RNF40: variants seen among roughly 807,000 people sequenced by gnomAD.
RNF40 encodes the protein E3 ubiquitin-protein ligase BRE1B.
In RNF40, 39 loss-of-function variants were observed where a neutral mutation model predicts 123.3. The ratio of observed to expected loss-of-function variants is 0.32; its 90% confidence interval spans 0.24 to 0.41. The LOEUF (loss-of-function observed/expected upper bound fraction) is 0.41, where lower values mean the gene tolerates loss of function less well. Among genes scored for constraint, RNF40 ranks in the 10% least tolerant of loss-of-function variants. The pLI is 1.00. For missense variants in RNF40, 1,003 were observed against 1,319.9 expected (o/e 0.76, Z 3.72); for synonymous variants, 538 against 526.0 (o/e 1.02, Z -0.31).
intron 2 of RNF40, 146 bp downstream of exon 2, chr16:30,762,823 T>C: frequency 9.3e-7 from 1 of 1,078,576 alleles, no homozygotes; most frequent in Non-Finnish European, 1.3e-6. Flanking sequence ...AGAAAGAAGC[T>C]CAGAACACGA....
Position 30,771,881 on chromosome 16 carries a change from C to T in RNF40, c.2635C>T (p.His879Tyr). The part of the protein sequence containing the change: ...LAEDLKVQLE[H>Y]VQTRLREIQP... ...CGAGGACCTGAAGGTGCAGCTGGAG[C>T]ACGTGCAGACTCGGCTGCGGGAGAT... Residue 879 changes from histidine to tyrosine, a missense_variant, in exon 18 of 20, where the codon CAC (histidine) becomes TAC (tyrosine). Transcript: ENST00000324685. The T allele has an allele frequency of 1.9e-6, 3 of 1,608,714 alleles. No individual in the cohort carries two copies. Among genetic ancestry groups the T allele is most frequent in the Non-Finnish European group, 2.5e-6 (3 of 1,176,800 alleles).
In RNF40 at chr16:30,771,790, C is replaced by G. The variant is rs763301656; in HGVS notation, c.2587-43C>G. On this transcript the variant is annotated intron_variant, in intron 17 of 19. Coordinates refer to ENST00000324685, the MANE Select transcript of RNF40 (RefSeq NM_014771.4). The stretch of plus-strand genomic sequence containing the variant: ...GCCGTGACTCCACATGCCTGAGTCA[C>G]CAGGCTCAGACCAGTGCCTCCTTCC... 6.6e-6 allele frequency: 10 copies of G among 1,515,932 alleles called. No individual in the cohort carries two copies. In the East Asian group the frequency reaches 2.3e-4, roughly 35 times the overall value. 93.9% of individuals were successfully genotyped at this position (1,515,932 alleles called of 1,614,324 possible).
In RNF40 at chr16:30,768,612, T is replaced by C; in HGVS notation, c.1980-7T>C. 6.2e-7 allele frequency: 1 copy of C among 1,614,078 alleles called. No homozygotes were observed. The highest frequency in any genetic ancestry group is 8.5e-7 in the Non-Finnish European group (1 of 1,179,954). On this transcript the variant is annotated splice_region_variant and splice_polypyrimidine_tract_variant and intron_variant, in intron 13 of 19. Transcript: ENST00000324685. This position sits in a 1 kb window ranked among gnomAD's most constrained non-coding sequence, Gnocchi z 4.1. ...CACTAAGACTTCCTCCTGTACCTTC[T>C]TGCCAGGAAGGCCCAGGAGAGCCAG...
intron 8 of RNF40, 85 bp downstream of exon 8, chr16:30,765,584 TC>T: frequency 1.6e-6 from 2 of 1,257,164 alleles, no homozygotes; most frequent in Non-Finnish European, 2.3e-6. Context: ...AGGACAAACA[TC>T]CATCTCTGAG....
rs1160498911 is a variant in RNF40 at position 30,774,346 on chromosome 16, C to T, written c.*232C>T. The T allele has an allele frequency of 3.9e-6, 2 of 506,414 alleles. No individual in the cohort carries two copies. The highest frequency in any genetic ancestry group is 3.1e-5 in the East Asian group (1 of 31,888). 31.4% of individuals were successfully genotyped at this position (506,414 alleles called of 1,614,324 possible). A position where few individuals can be genotyped will look rare whatever the true frequency, so the allele number is the denominator to read the frequency against. ...CTGCAGCCTAGGGGGCACTGCCCTA[C>T]AGAAAAGGTCTGCCTGAGAGGCCTG... On this transcript the variant is annotated 3_prime_UTR_variant, in exon 20 of 20. Transcript: ENST00000324685.
At chr16:30,764,498 G>A (rs2053991837) in intron 5 of RNF40, 113 bp downstream of exon 5, 8 of 891,510 alleles carry the variant, frequency 9.0e-6, no homozygotes, top group Middle Eastern at 3.5e-4. Flanking sequence ...ATTTCCCAAG[G>A]AATAAATCAG....
intron 8 of RNF40, among the ~76,000 whole-genome samples, chr16:30,765,920 C>T (rs1418304039): frequency 6.6e-6 from 1 of 152,160 alleles, no homozygotes; most frequent in Non-Finnish European, 1.5e-5. Context: ...GCACTTTAGG[C>T]CTTTCTGGAA....
At chr16:30,767,259 T>G (rs1233668000) in intron 11 of RNF40, among the ~76,000 whole-genome samples, 1 of 152,186 alleles carries the variant, frequency 6.6e-6, no homozygotes, top group African/African-American at 2.4e-5. Context: ...AACATTCTGA[T>G]AGAAGACAGA....
chr16:30,766,625 C>T lies in RNF40; in HGVS notation c.1293+67C>T. On this transcript the variant is annotated intron_variant, in intron 10 of 19. Coordinates refer to ENST00000324685, the MANE Select transcript of RNF40 (RefSeq NM_014771.4). This position sits in a 1 kb window ranked among gnomAD's most constrained non-coding sequence, Gnocchi z 5.4. ...AACCGTTAGTGTTGACGTGTTTGTG[C>T]CTTCCGAGGCCCTGTGTGCCAGCCA... 6.3e-7 allele frequency: 1 copy of T among 1,579,452 alleles called. No homozygotes were observed. Among genetic ancestry groups the T allele is most frequent in the Non-Finnish European group, 8.6e-7 (1 of 1,160,546 alleles).
intron 4 of RNF40, among the ~76,000 whole-genome samples, chr16:30,763,943 A>G (rs549870434): frequency 2.0e-5 from 3 of 152,318 alleles, no homozygotes; most frequent in East Asian, 1.9e-4. Flanking sequence ...TTCTAATTAT[A>G]TTGGTAAAGT....
chr16:30,767,390 A>C (rs1166793053), intron 11 of RNF40, among the ~76,000 whole-genome samples: 1 of 152,216 alleles, frequency 6.6e-6, no homozygotes, highest in Non-Finnish European at 1.5e-5. Context: ...AATTTTGAAT[A>C]GGAGGCCAGG....
At chr16:30,773,309 G>C (rs1157762397) in intron 19 of RNF40, among the ~76,000 whole-genome samples, 1 of 152,202 alleles carries the variant, frequency 6.6e-6, no homozygotes, top group Admixed American at 6.5e-5. Context: ...GGTGTGTAGG[G>C]TCCTGGGAGA....
At position 30,768,942 on chromosome 16, in the gene RNF40, G is replaced by A. The variant is rs865996786; in HGVS notation, c.2202G>A (p.Glu734=). 2.5e-6 allele frequency: 4 copies of A among 1,614,158 alleles called. No individual in the cohort carries two copies. The highest frequency in any genetic ancestry group is 3.4e-6 in the Non-Finnish European group (4 of 1,180,040). The change falls in exon 15 of 20, where the codon GAG becomes GAA. Residue 734 remains glutamate, a synonymous_variant. Coordinates refer to ENST00000324685, the MANE Select transcript of RNF40 (RefSeq NM_014771.4). The surrounding 1 kb of genome is among the most constrained non-coding windows in gnomAD (Gnocchi z 4.1). ...CCCTGCGGCGCATTCGGCAGGCAGA[G>A]GAGCAGATAGAACACCTGCAGCGCA... ...EDALRRIRQA[E]EQIEHLQRKL... is the part of the protein sequence containing the mutation.
At position 30,766,887 on chromosome 16, in the gene RNF40, A is replaced by G. The variant is rs766121753; in HGVS notation, c.1429+11A>G. 10 of 1,611,954 alleles carry G rather than the reference A, an allele frequency of 6.2e-6. No individual in the cohort carries two copies. In the Admixed American group the frequency reaches 1.7e-4, roughly 27 times the overall value. The stretch of plus-strand genomic sequence containing the variant: ...CCAACGAGCAGGCGGGTATGTGGTG[A>G]GGATAGGGCGGAGGTGGGGCCTTAT... On this transcript the variant is annotated intron_variant, in intron 11 of 19. Coordinates refer to ENST00000324685, the MANE Select transcript of RNF40 (RefSeq NM_014771.4). The surrounding 1 kb of genome is among the most constrained non-coding windows in gnomAD (Gnocchi z 5.4).
intron 2 of RNF40, 157 bp downstream of exon 2, chr16:30,762,834 C>A (rs566696918): frequency 1.0e-6 from 1 of 962,782 alleles, no homozygotes; most frequent in East Asian, 2.5e-5. Flanking sequence ...CAGAACACGA[C>A]GCCTGTCTTC....
intron 19 of RNF40, chr16:30,773,554 T>G (rs960233803): frequency 3.5e-5 from 6 of 173,738 alleles, no homozygotes; most frequent in Non-Finnish European, 4.9e-5. Context: ...TCTAGTTGCA[T>G]TGCCATTCCA....
rs957713581 is a variant in RNF40, at chr16:30,774,954, C to A, written c.*840C>A. 10 of 456,432 alleles carry A rather than the reference C, an allele frequency of 2.2e-5. No homozygotes were observed. The highest frequency in any genetic ancestry group is 4.4e-5 in the Non-Finnish European group (10 of 226,808). The allele number at this position is 456,432 out of a possible 1,614,324, so 28.3% of individuals were successfully genotyped here. On this transcript the variant is annotated 3_prime_UTR_variant, in exon 20 of 20. Transcript: ENST00000324685. ...AGGAGGGGAAGGGACAGACCAGCCC[C>A]AGCCGCTGGGCCAACTTCCAATCAT... is the stretch of plus-strand genomic sequence containing the variant.
At chr16:30,761,684 G>C, upstream of RNF40, 2 of 1,535,858 alleles carry the variant, frequency 1.3e-6, no homozygotes, top group Non-Finnish European at 1.7e-6. Flanking sequence ...CCGCAGCTCG[G>C]AGAGATGTTC....
At chr16:30,771,594 G>C (rs552103447) in intron 17 of RNF40, among the ~76,000 whole-genome samples, 7 of 152,102 alleles carry the variant, frequency 4.6e-5, no homozygotes, top group Admixed American at 2.0e-4. Context: ...TCCAGCGTGG[G>C]GGACAGAGTA....
Sources: gnomAD v4.1 joint callset for allele counts (sites outside exome capture counted in the v4.1 genomes callset) on GRCh38, gnomAD v4.1.1 for gene constraint, Gnocchi (gnomAD v3.1) non-coding constraint, MANE v1.5 for transcripts, NCBI Gene and HGNC (gene_info 2026-07-23, HGNC 2026-07-21) for gene names.